MAP4K3: variants seen among roughly 807,000 people sequenced by gnomAD.
MAP4K3 encodes the protein MAPK/ERK kinase kinase kinase 3.
In MAP4K3, 94 loss-of-function variants were observed where a neutral mutation model predicts 143.5. The ratio of observed to expected loss-of-function variants is 0.65; its 90% confidence interval spans 0.55 to 0.78. MAP4K3 has a LOEUF of 0.78. Among genes scored for constraint, MAP4K3 ranks in the 30% least tolerant of loss-of-function variants. MAP4K3 has a pLI of 0.00. For synonymous variants in MAP4K3, 416 were observed against 347.2 expected, an observed-to-expected ratio of 1.20 and a Z score of -2.20; for missense variants, 1,077 against 1,068.1, an observed-to-expected ratio of 1.01 and a Z score of -0.12.
intron 3 of MAP4K3, among the ~76,000 whole-genome samples, chr2:39,345,638 G>A (rs894067946): frequency 3.2e-4 from 48 of 152,064 alleles, no homozygotes; most frequent in African/African-American, 1.1e-3. Flanking sequence ...AAAAAGAGTG[G>A]GCCAGATGCA....
chr2:39,277,121 G>A (rs570047278), intron 24 of MAP4K3, among the ~76,000 whole-genome samples: 51 of 152,258 alleles, frequency 3.3e-4, no homozygotes, highest in African/African-American at 1.2e-3. Flanking sequence ...ATCTCTCACC[G>A]TACTGCAAAC....
rs746844133 is a variant in MAP4K3, at chr2:39,337,600, A to G, written c.311-19T>C. ...CCAGTTACTGTAAAAGAAGACAATT[A>G]ATACTCATAAAATTAGTCAACGCAT... On this transcript the variant is annotated intron_variant, in intron 4 of 33. Transcript: ENST00000263881. 2.6e-6 allele frequency: 4 copies of G among 1,560,002 alleles called. No individual in the cohort carries two copies. The African/African-American group carries it at 4.1e-5, about 16-fold the overall frequency.
At chr2:39,298,687 G>C (rs936653278) in intron 16 of MAP4K3, among the ~76,000 whole-genome samples, 1 of 152,102 alleles carries the variant, frequency 6.6e-6, no homozygotes, top group African/African-American at 2.4e-5. Flanking sequence ...AATTTTGCGA[G>C]GCACGGTGGC....
At chr2:39,357,662 T>C (rs969679099) in intron 2 of MAP4K3, among the ~76,000 whole-genome samples, 13 of 152,244 alleles carry the variant, frequency 8.5e-5, no homozygotes, top group Admixed American at 7.2e-4. Flanking sequence ...TTTCAAAAAT[T>C]TGGAAGATTA....
intron 1 of MAP4K3, among the ~76,000 whole-genome samples, chr2:39,419,281 A>G (rs182043879): frequency 4.6e-5 from 7 of 152,262 alleles, no homozygotes; most frequent in Middle Eastern, 3.4e-3. Context: ...AGACAAAATA[A>G]GTTTAGTTTA....
At chr2:39,321,455 G>A (rs62380908) in intron 12 of MAP4K3, among the ~76,000 whole-genome samples, 3 of 152,120 alleles carry the variant, frequency 2.0e-5, no homozygotes, top group African/African-American at 7.2e-5. Flanking sequence ...CAAACACTAC[G>A]GAAGGCCGCA....
intron 24 of MAP4K3, among the ~76,000 whole-genome samples, chr2:39,277,593 T>A (rs544423106): frequency 1.3e-5 from 2 of 152,140 alleles, no homozygotes; most frequent in Non-Finnish European, 2.9e-5. Context: ...AGGTGGAGTT[T>A]CACTTTTGTT....
At chr2:39,316,650 A>G (rs1683121546) in intron 12 of MAP4K3, among the ~76,000 whole-genome samples, 1 of 152,182 alleles carries the variant, frequency 6.6e-6, no homozygotes, top group Non-Finnish European at 1.5e-5. Flanking sequence ...ACCTGAAATT[A>G]AAGTAGGCAA....
At chr2:39,321,765 G>A (rs940774701) in intron 12 of MAP4K3, among the ~76,000 whole-genome samples, 2 of 152,208 alleles carry the variant, frequency 1.3e-5, no homozygotes, top group African/African-American at 4.8e-5. Context: ...GGACATGCGG[G>A]CAACAATACT....
chr2:39,406,310 A>C (rs1193435024), intron 1 of MAP4K3, among the ~76,000 whole-genome samples: 4 of 152,188 alleles, frequency 2.6e-5, no homozygotes, highest in African/African-American at 7.2e-5. Flanking sequence ...CAGGGGTAGA[A>C]AGTGTATTCA....
intron 3 of MAP4K3, among the ~76,000 whole-genome samples, chr2:39,345,712 G>A (rs552579570): frequency 3.3e-5 from 5 of 152,144 alleles, no homozygotes; most frequent in African/African-American, 1.2e-4. Context: ...GAGGTCAGGA[G>A]ATCGAGACCA....
At chr2:39,322,144 T>C (rs1456752917) in intron 12 of MAP4K3, among the ~76,000 whole-genome samples, 1 of 152,192 alleles carries the variant, frequency 6.6e-6, no homozygotes, top group Non-Finnish European at 1.5e-5. Flanking sequence ...TAGATGAGGA[T>C]ACTGAGACTT....
At chr2:39,266,435 CCT>C (rs1680766843) in intron 27 of MAP4K3, among the ~76,000 whole-genome samples, 1 of 152,248 alleles carries the variant, frequency 6.6e-6, no homozygotes, top group Non-Finnish European at 1.5e-5. Context: ...CTGCCACTCT[CCT>C]TTCTATCATC....
At chr2:39,356,375 G>T (rs1218514233) in intron 2 of MAP4K3, 36 bp from the exon 3 acceptor site, 4 of 1,197,416 alleles carry the variant, frequency 3.3e-6, no homozygotes, top group East Asian at 4.7e-5. Flanking sequence ...ATATTTAGAG[G>T]TAAGTTTCAA....
intron 21 of MAP4K3, chr2:39,283,557 G>A (rs1681632304): frequency 6.6e-6 from 1 of 151,948 alleles, no homozygotes; most frequent in South Asian, 2.1e-4. Context: ...ACAACAAATA[G>A]TTTCTCCTTG....
At chr2:39,430,554 C>T (rs949134521) in intron 1 of MAP4K3, among the ~76,000 whole-genome samples, 4 of 152,074 alleles carry the variant, frequency 2.6e-5, no homozygotes, top group African/African-American at 9.7e-5. Flanking sequence ...AACATGATTT[C>T]ATCTCTTGAA....
chr2:39,277,548 G>A (rs1007008842), intron 24 of MAP4K3, among the ~76,000 whole-genome samples: 1 of 151,974 alleles, frequency 6.6e-6, no homozygotes, highest in Non-Finnish European at 1.5e-5. Context: ...TCAGTATCTG[G>A]TAATTAGAAC....
At chr2:39,355,122 T>C (rs761935844) in intron 3 of MAP4K3, among the ~76,000 whole-genome samples, 39 of 152,162 alleles carry the variant, frequency 2.6e-4, no homozygotes, top group South Asian at 6.2e-4. Context: ...CCCGGCACTA[T>C]GGGAGGCTGA....
chr2:39,262,178 T>C lies in MAP4K3; in HGVS notation c.2137-1401A>G, dbSNP rs564566354. 2.0e-5 allele frequency among the ~76,000 whole-genome samples: 3 copies of C among 152,338 alleles called. No individual in the cohort carries two copies. The East Asian group carries it at 5.8e-4, about 29-fold the overall frequency. ...TCTTTTTAATCTGGCAACTCATAAATTCTAAAGAAAAGTAAAAGGTGCAAC... is the reference window on the plus strand; with the variant it reads ...TCTTTTTAATCTGGCAACTCATAAACTCTAAAGAAAAGTAAAAGGTGCAAC... On this transcript the variant is annotated intron_variant, in intron 28 of 33. Transcript: ENST00000263881.
Sources: gnomAD v4.1 joint callset for allele counts (sites outside exome capture counted in the v4.1 genomes callset) on GRCh38, gnomAD v4.1.1 for gene constraint, MANE v1.5 for transcripts, NCBI Gene and HGNC (gene_info 2026-07-23, HGNC 2026-07-21) for gene names.